GPC5: variants seen among roughly 807,000 people sequenced by gnomAD.
GPC5 encodes glypican-5.
Under a neutral mutation model 53.9 loss-of-function variants are expected in GPC5, and 47 were observed. That is an observed-to-expected ratio of 0.87 (90% confidence interval 0.69 to 1.11). GPC5 has a LOEUF of 1.11. GPC5 is among the 50% of genes most tolerant of loss of function. GPC5 has a pLI of 0.00. For missense variants in GPC5, 748 were observed against 713.1 expected (o/e 1.05, Z -0.56); for synonymous variants, 286 against 263.3 (o/e 1.09, Z -0.84).
At chr13:92,582,109 A>T (rs796916313) in intron 7 of GPC5, among the ~76,000 whole-genome samples, 4 of 152,230 alleles carry the variant, frequency 2.6e-5, no homozygotes, top group African/African-American at 9.6e-5. Context: ...AATCTAAAAA[A>T]ATTATTGCCT....
intron 5 of GPC5, among the ~76,000 whole-genome samples, chr13:91,850,749 G>A (rs185074490): frequency 6.6e-6 from 1 of 151,554 alleles, no homozygotes; most frequent in African/African-American, 2.4e-5. Flanking sequence ...TGTTAGATAT[G>A]TCTCTACATA....
chr13:92,637,464 C>T (rs1170410748), intron 7 of GPC5, among the ~76,000 whole-genome samples: 4 of 152,128 alleles, frequency 2.6e-5, no homozygotes, highest in African/African-American at 7.2e-5. Context: ...CCAGAATTCA[C>T]ATAGCATCAT....
At chr13:92,413,480 C>T (rs1234021716) in intron 7 of GPC5, among the ~76,000 whole-genome samples, 2 of 152,144 alleles carry the variant, frequency 1.3e-5, no homozygotes, top group Non-Finnish European at 2.9e-5. Context: ...TGATAAAAAT[C>T]AAAACTCCAT....
intron 7 of GPC5, among the ~76,000 whole-genome samples, chr13:92,602,197 A>T (rs28495462): frequency 3.9e-4 from 52 of 133,906 alleles, no homozygotes; most frequent in African/African-American, 8.5e-4. Context: ...CATATATATA[A>T]ATATATATAT....
At chr13:92,777,145 G>A (rs1326203718) in intron 7 of GPC5, among the ~76,000 whole-genome samples, 1 of 149,860 alleles carries the variant, frequency 6.7e-6, no homozygotes, top group African/African-American at 2.5e-5. Context: ...GACCAGCCTG[G>A]CCAATATGGT....
chr13:91,831,228 A>T (rs2038654091), intron 5 of GPC5, among the ~76,000 whole-genome samples: 1 of 151,146 alleles, frequency 6.6e-6, no homozygotes. Flanking sequence ...CAAAACTTGG[A>T]GTCTGATGTT....
intron 6 of GPC5, among the ~76,000 whole-genome samples, chr13:92,015,602 A>G (rs1249022901): frequency 6.6e-6 from 1 of 152,256 alleles, no homozygotes; most frequent in South Asian, 2.1e-4. Context: ...AGATCAAGTT[A>G]TCTCCCGTAA....
intron 7 of GPC5, among the ~76,000 whole-genome samples, chr13:92,757,718 G>A (rs900650655): frequency 2.0e-5 from 3 of 152,094 alleles, no homozygotes; most frequent in Non-Finnish European, 4.4e-5. Flanking sequence ...GCAGCCAAAA[G>A]ACACATGAAA....
chr13:92,229,733 T>C (rs939761071), intron 7 of GPC5, among the ~76,000 whole-genome samples: 2 of 152,028 alleles, frequency 1.3e-5, no homozygotes, highest in Non-Finnish European at 2.9e-5. Flanking sequence ...AGTTGCTTTT[T>C]AATTTTTCAG....
At chr13:92,344,771 G>T (rs1263114266) in intron 7 of GPC5, among the ~76,000 whole-genome samples, 1 of 152,102 alleles carries the variant, frequency 6.6e-6, no homozygotes, top group Non-Finnish European at 1.5e-5. Context: ...ACAATGTGGG[G>T]CAGAAATAGG....
At chr13:92,860,728 T>G (rs1003095945) in intron 7 of GPC5, among the ~76,000 whole-genome samples, 1 of 152,086 alleles carries the variant, frequency 6.6e-6, no homozygotes, top group African/African-American at 2.4e-5. Flanking sequence ...CAAGTCAGTT[T>G]CCTCATAATG....
At chr13:91,588,522 T>C (rs1422749399) in intron 2 of GPC5, among the ~76,000 whole-genome samples, 1 of 152,108 alleles carries the variant, frequency 6.6e-6, no homozygotes, top group African/African-American at 2.4e-5. Context: ...TTTTTCCCCC[T>C]CTACAGGTGA....
chr13:92,404,476 T>C (rs1171228814), intron 7 of GPC5, among the ~76,000 whole-genome samples: 1 of 152,192 alleles, frequency 6.6e-6, no homozygotes, highest in Admixed American at 6.5e-5. Flanking sequence ...GCAAGATAAT[T>C]GAACTCTGTA....
chr13:92,256,490 C>T (rs925519731), intron 7 of GPC5, among the ~76,000 whole-genome samples: 1 of 152,058 alleles, frequency 6.6e-6, no homozygotes, highest in African/African-American at 2.4e-5. Flanking sequence ...TTGGTTCTTT[C>T]TGCAACTACG....
intron 7 of GPC5, among the ~76,000 whole-genome samples, chr13:92,672,750 G>A (rs750722417): frequency 9.2e-5 from 14 of 152,142 alleles, no homozygotes; most frequent in Non-Finnish European, 1.9e-4. Flanking sequence ...GGATGGAGCT[G>A]GAGGCCATTA....
intron 7 of GPC5, among the ~76,000 whole-genome samples, chr13:92,392,790 T>C (rs138645285): frequency 0.011 from 1,729 of 152,136 alleles, 30 homozygotes; most frequent in African/African-American, 0.04. Flanking sequence ...AACAAGCATA[T>C]ATAAAAAAAG....
intron 2 of GPC5, among the ~76,000 whole-genome samples, chr13:91,652,925 T>C (rs2034752145): frequency 6.6e-6 from 1 of 152,210 alleles, no homozygotes; most frequent in Non-Finnish European, 1.5e-5. Context: ...ATTCTGTCTC[T>C]GGCTAAAGAA....
intron 7 of GPC5, among the ~76,000 whole-genome samples, chr13:92,193,201 C>T (rs986165207): frequency 6.6e-6 from 1 of 151,940 alleles, no homozygotes; most frequent in African/African-American, 2.4e-5. Flanking sequence ...AAATATATTG[C>T]ATATTATGCT....
chr13:92,257,610 G>A (rs1233218347), intron 7 of GPC5, among the ~76,000 whole-genome samples: 1 of 133,414 alleles, frequency 7.5e-6, no homozygotes, highest in Non-Finnish European at 1.5e-5. Context: ...GAGTGCAATG[G>A]TGCAATCTCA....
Sources: gnomAD v4.1 joint callset for allele counts (sites outside exome capture counted in the v4.1 genomes callset) on GRCh38, gnomAD v4.1.1 for gene constraint, MANE v1.5 for transcripts, NCBI Gene and HGNC (gene_info 2026-07-23, HGNC 2026-07-21) for gene names.